Variants in DENND1B observed in about 807,000 individuals in gnomAD.
DENND1B encodes DENN domain-containing protein 1B.
Under a neutral mutation model 90.1 loss-of-function variants are expected in DENND1B, and 59 were observed. The ratio of observed to expected loss-of-function variants is 0.65; its 90% CI spans 0.53 to 0.81. DENND1B has a LOEUF of 0.81. DENND1B is among the 40% of genes least tolerant of loss of function. DENND1B has a pLI of 0.00. For missense variants in DENND1B, 862 were observed against 912.6 expected, an observed-to-expected ratio of 0.94 and a Z score of 0.71; for synonymous variants, 337 against 324.6, an observed-to-expected ratio of 1.04 and a Z score of -0.41.
At chr1:197,764,433 C>T (rs1655454530) in intron 2 of DENND1B, among the ~76,000 whole-genome samples, 1 of 152,162 alleles carries the variant, frequency 6.6e-6, no homozygotes, top group Non-Finnish European at 1.5e-5. Flanking sequence ...GTAACCATGA[C>T]ATTATAGCTT....
rs139544219 is a variant in DENND1B, at chr1:197,523,176, A to G, written c.1516-10223T>C. ...ATGACCTTTGAGGACATTCATTTAT[A>G]TAAAACAAAAGCCTTAAACTGCTGA... is the stretch of plus-strand genomic sequence containing the variant. On this transcript the variant is annotated intron_variant, in intron 20 of 22. Transcript: ENST00000620048. Among the ~76,000 whole-genome samples, 21 of 152,220 alleles carry G rather than the reference A, an allele frequency of 1.4e-4. No individual in the cohort carries two copies. In the East Asian group the frequency reaches 3.5e-3, roughly 25 times the overall value.
At chr1:197,551,113 C>CACACACACACACA (rs368753746) in intron 16 of DENND1B, among the ~76,000 whole-genome samples, 24 of 49,312 alleles carry the variant, frequency 4.9e-4, no homozygotes, top group Non-Finnish European at 8.6e-4. Context: ...ACACACACAC[C>CACACACACACACA]CCCTAGATAG....
chr1:197,575,734 A>C (rs1045576333), intron 15 of DENND1B, among the ~76,000 whole-genome samples: 1 of 152,246 alleles, frequency 6.6e-6, no homozygotes, highest in Admixed American at 6.5e-5. Flanking sequence ...CATATACGTC[A>C]TGGAATACTA....
At position 197,617,739 on chromosome 1, in the gene DENND1B, T is replaced by C; in HGVS notation, c.693A>G (p.Gly231=). 1.9e-6 allele frequency: 3 copies of C among 1,607,400 alleles called. No individual in the cohort carries two copies. The highest frequency in any genetic ancestry group is 2.6e-6 in the Non-Finnish European group (3 of 1,175,342). ...ACATTGGGTATAGAAGAGCAGCTGA[T>C]CCATGGATACAGGCAGTTAACTGAA... is the stretch of plus-strand genomic sequence containing the variant. ...KLSTLTACIH[G]SAALLYPMYW... The change falls in exon 11 of 23, where the codon GGA becomes GGG. Residue 231 remains glycine (G), a synonymous_variant. Coordinates refer to ENST00000620048, the MANE Select transcript of DENND1B (RefSeq NM_001195215.2).
intron 15 of DENND1B, among the ~76,000 whole-genome samples, chr1:197,569,068 TCAAA>T (rs923150651): frequency 5.3e-5 from 8 of 151,880 alleles, no homozygotes; most frequent in South Asian, 2.1e-4. Flanking sequence ...TATAAAGAAC[TCAAA>T]CAAATTAATA....
intron 3 of DENND1B, among the ~76,000 whole-genome samples, chr1:197,705,822 C>T (rs780315986): frequency 1.1e-4 from 17 of 151,808 alleles, no homozygotes; most frequent in Non-Finnish European, 2.2e-4. Context: ...ACTTCTTATT[C>T]CCAAGTCATG....
chr1:197,757,057 C>G (rs1476551244), intron 2 of DENND1B, among the ~76,000 whole-genome samples: 2 of 151,510 alleles, frequency 1.3e-5, no homozygotes, highest in African/African-American at 4.8e-5. Flanking sequence ...GAATCTATTT[C>G]TTCTTGCAAG....
At chr1:197,774,568 A>G (rs1315800290) in intron 1 of DENND1B, 2 of 152,318 alleles carry the variant, frequency 1.3e-5, no homozygotes, top group Non-Finnish European at 2.9e-5. Context: ...CCGTTTTGCA[A>G]GAACCATGCA....
intron 15 of DENND1B, among the ~76,000 whole-genome samples, chr1:197,580,214 C>A (rs1426355178): frequency 1.3e-5 from 2 of 148,170 alleles, no homozygotes; most frequent in East Asian, 4.0e-4. Flanking sequence ...GCTTCAGCCT[C>A]CCAAGTAGCT....
chr1:197,540,138 A>G lies in DENND1B; in HGVS notation c.1408-67T>C, dbSNP rs747458395. 726 of 1,111,912 alleles carry G rather than the reference A, an allele frequency of 6.5e-4. 1 individual carries two copies. The highest frequency in any genetic ancestry group is 9.6e-4 in the Middle Eastern group (4 of 4,174). 68.9% of individuals were successfully genotyped at this position (1,111,912 alleles called of 1,614,324 possible). ...CCTTTTATTACTAACGTATTAGATT[A>G]ATAAACAAAGTATCTGATATACATA... On this transcript the variant is annotated intron_variant, in intron 19 of 22. Transcript: ENST00000620048.
chr1:197,607,503 G>C (rs926522432), intron 12 of DENND1B, among the ~76,000 whole-genome samples: 4 of 150,698 alleles, frequency 2.7e-5, no homozygotes, highest in Non-Finnish European at 6.0e-5. Flanking sequence ...TTTAAGTTCA[G>C]TCCCATGAAA....
At chr1:197,730,831 T>C (rs1662078236) in intron 2 of DENND1B, among the ~76,000 whole-genome samples, 1 of 152,042 alleles carries the variant, frequency 6.6e-6, no homozygotes, top group Non-Finnish European at 1.5e-5. Context: ...AAAAAATAAG[T>C]TAGACACAAG....
In DENND1B at chr1:197,631,507, A is replaced by G. The variant is rs1679323701; in HGVS notation, c.672+11204T>C. 2.0e-5 allele frequency among the ~76,000 whole-genome samples: 3 copies of G among 152,052 alleles called. No homozygotes were observed. In the South Asian group the frequency reaches 6.2e-4, roughly 31 times the overall value. ...TATTCAGACAATATTTCAAATAAATAGTAAATAAAAACTGATTGAAGCTAC... is the reference window on the plus strand; with the variant it reads ...TATTCAGACAATATTTCAAATAAATGGTAAATAAAAACTGATTGAAGCTAC... On this transcript the variant is annotated intron_variant, in intron 10 of 22. Transcript: ENST00000620048.
At chr1:197,719,427 T>C (rs940836637) in intron 2 of DENND1B, among the ~76,000 whole-genome samples, 3 of 152,026 alleles carry the variant, frequency 2.0e-5, no homozygotes, top group Non-Finnish European at 4.4e-5. Context: ...TTTTCCATTG[T>C]TATAGGAAAA....
At chr1:197,628,357 T>C (rs1289122129) in intron 10 of DENND1B, among the ~76,000 whole-genome samples, 1 of 152,092 alleles carries the variant, frequency 6.6e-6, no homozygotes, top group Non-Finnish European at 1.5e-5. Context: ...AACAGAGCCC[T>C]CAGAAATAAC....
In DENND1B at chr1:197,569,050, C is replaced by A. The variant is rs572835658; in HGVS notation, c.1149+14102G>T. The stretch of plus-strand genomic sequence containing the variant: ...ATTATATCTGATAAGGAATTGATAT[C>A]CAAAATATATAAAGAACTCAAACAA... On this transcript the variant is annotated intron_variant, in intron 15 of 22. Coordinates refer to ENST00000620048, the MANE Select transcript of DENND1B (RefSeq NM_001195215.2). Among the ~76,000 whole-genome samples, 3 of 151,820 alleles carry A rather than the reference C, an allele frequency of 2.0e-5. No homozygotes were observed. In the South Asian group the frequency reaches 6.3e-4, roughly 32 times the overall value.
chr1:197,559,702 T>C (rs914256637), intron 15 of DENND1B, among the ~76,000 whole-genome samples: 8 of 139,920 alleles, frequency 5.7e-5, no homozygotes, highest in Admixed American at 1.5e-4. Flanking sequence ...CCTTTTTATA[T>C]AATGCTCCGG....
At chr1:197,738,387 T>G (rs1039400307) in intron 2 of DENND1B, among the ~76,000 whole-genome samples, 1 of 152,210 alleles carries the variant, frequency 6.6e-6, no homozygotes, top group African/African-American at 2.4e-5. Flanking sequence ...AACTACATCT[T>G]ATACCCAGGG....
rs528671055 is a variant in DENND1B at position 197,675,467 on chromosome 1, C to G, written c.127-1298G>C. Among the ~76,000 whole-genome samples the G allele has an allele frequency of 7.2e-5, 11 of 151,918 alleles. No individual in the cohort carries two copies. In the South Asian group the frequency reaches 2.1e-3, roughly 29 times the overall value. On this transcript the variant is annotated intron_variant, in intron 3 of 22. Coordinates refer to ENST00000620048, the MANE Select transcript of DENND1B (RefSeq NM_001195215.2). ...AAAAAAAAATCATCTACTCTTAGGG[C>G]AGGGTACCCTGGATTGCTTATAATC... is the stretch of plus-strand genomic sequence containing the variant.
Sources: gnomAD v4.1 joint callset for allele counts (sites outside exome capture counted in the v4.1 genomes callset) on GRCh38, gnomAD v4.1.1 for gene constraint, MANE v1.5 for transcripts, NCBI Gene and HGNC (gene_info 2026-07-23, HGNC 2026-07-21) for gene names.